DGKG: variants seen among roughly 807,000 people sequenced by gnomAD.
DGKG encodes DAG kinase gamma.
Under a neutral mutation model 105.3 loss-of-function variants are expected in DGKG, and 78 were observed. The ratio of observed to expected loss-of-function variants is 0.74; its 90% confidence interval spans 0.62 to 0.89. The LOEUF is 0.89. DGKG is among the 40% of genes least tolerant of loss of function. DGKG has a pLI of 0.00. For missense variants in DGKG, 958 were observed against 1,020.1 expected, an observed-to-expected ratio of 0.94 and a Z score of 0.83; for synonymous variants, 346 against 367.1, an observed-to-expected ratio of 0.94 and a Z score of 0.66.
intron 23 of DGKG, among the ~76,000 whole-genome samples, chr3:186,162,111 G>T (rs900353155): frequency 1.3e-5 from 2 of 152,184 alleles, no homozygotes; most frequent in Non-Finnish European, 2.9e-5. Context: ...GGTCAAGCTG[G>T]TCTCAAACTC....
At chr3:186,281,426 C>T (rs531206067) in intron 7 of DGKG, among the ~76,000 whole-genome samples, 3 of 152,220 alleles carry the variant, frequency 2.0e-5, no homozygotes, top group East Asian at 3.9e-4. Flanking sequence ...CTGAGAGCCC[C>T]GCTGAAACAC....
rs769009556 is a variant in DGKG, at chr3:186,161,663, C to T, written c.2217G>A (p.Arg739=). 6.2e-7 allele frequency: 1 copy of T among 1,614,172 alleles called. No homozygotes were observed. Among genetic ancestry groups the T allele is most frequent in the Admixed American group, 1.7e-5 (1 of 60,022 alleles). Residue 739 remains arginine (R), a splice_region_variant and synonymous_variant, in exon 24 of 25, where the codon AGG becomes AGA. Transcript: ENST00000265022. ...CTTGCATTGGCAGCAGCTTGTTTGTCCTGGAACCCAGAACACCAAGAGAAC... is the reference window on the plus strand; with the variant it reads ...CTTGCATTGGCAGCAGCTTGTTTGTTCTGGAACCCAGAACACCAAGAGAAC... The part of the protein sequence containing the change: ...RLAQCASVTI[R]TNKLLPMQVD...
chr3:186,341,718 T>A (rs1726096849), intron 1 of DGKG, among the ~76,000 whole-genome samples: 1 of 152,194 alleles, frequency 6.6e-6, no homozygotes, highest in Non-Finnish European at 1.5e-5. Context: ...CATGCACACG[T>A]ATGTTTACTG....
chr3:186,300,518 T>A (rs1207300940), intron 3 of DGKG, among the ~76,000 whole-genome samples: 1 of 152,240 alleles, frequency 6.6e-6, no homozygotes, highest in Non-Finnish European at 1.5e-5. Context: ...TCTGTTTTGG[T>A]TCTCTTCATT....
intron 1 of DGKG, among the ~76,000 whole-genome samples, chr3:186,326,331 G>A (rs1404324801): frequency 6.6e-6 from 1 of 151,776 alleles, no homozygotes; most frequent in African/African-American, 2.4e-5. Context: ...GGTGGGGGTT[G>A]GATGTTGCAG....
intron 12 of DGKG, among the ~76,000 whole-genome samples, chr3:186,268,003 G>A (rs1168802254): frequency 6.6e-6 from 1 of 152,104 alleles, no homozygotes; most frequent in Non-Finnish European, 1.5e-5. Context: ...AGCCGCTCAT[G>A]GCTACTGAAG....
Position 186,306,987 on chromosome 3 carries a change from C to T in DGKG, c.68-10G>A, listed in dbSNP as rs375648962. Reference sequence around the variant, plus strand: ...ATCTTCTTGGAGGAATCTGAAGAGACACAATTCACATGTGAAACACTGGCA... The same window carrying T: ...ATCTTCTTGGAGGAATCTGAAGAGATACAATTCACATGTGAAACACTGGCA... On this transcript the variant is annotated splice_polypyrimidine_tract_variant and intron_variant, in intron 2 of 24. Coordinates refer to ENST00000265022, the MANE Select transcript of DGKG (RefSeq NM_001346.3). The T allele has an allele frequency of 2.3e-5, 37 of 1,590,912 alleles. No individual in the cohort carries two copies. The highest frequency in any genetic ancestry group is 2.8e-5 in the Non-Finnish European group (32 of 1,159,352).
intron 20 of DGKG, among the ~76,000 whole-genome samples, chr3:186,221,883 G>T (rs774404037): frequency 4.6e-5 from 7 of 152,224 alleles, no homozygotes; most frequent in Non-Finnish European, 1.0e-4. Flanking sequence ...GGTGGGTCCT[G>T]AGGGAGCCAG....
At chr3:186,348,512 T>C (rs899027317) in intron 1 of DGKG, among the ~76,000 whole-genome samples, 17 of 149,734 alleles carry the variant, frequency 1.1e-4, no homozygotes, top group African/African-American at 4.0e-4. Context: ...AGTGCAGTGC[T>C]GTGATCACGG....
At chr3:186,295,814 G>A (rs9870928) in intron 5 of DGKG, among the ~76,000 whole-genome samples, 43,709 of 151,840 alleles carry the variant, frequency 0.29, 6,548 homozygotes, top group East Asian at 0.39. Flanking sequence ...ACCATACTGA[G>A]TTAAGAATAG....
chr3:186,161,380 A>C (rs1225471030), intron 24 of DGKG: 1 of 1,393,030 alleles, frequency 7.2e-7, no homozygotes, highest in Non-Finnish European at 9.3e-7. Flanking sequence ...TGTCTCATTC[A>C]ATTTTGTGAC....
At position 186,257,725 on chromosome 3, in the gene DGKG, G is replaced by A. The variant is rs890147193; in HGVS notation, c.1510+129C>T. 23 of 600,212 alleles carry A rather than the reference G, an allele frequency of 3.8e-5. No homozygotes were observed. In the East Asian group the frequency reaches 6.1e-4, roughly 16 times the overall value. The allele number at this position is 600,212 out of a possible 1,614,324, so 37.2% of individuals were successfully genotyped here. A position where few individuals can be genotyped will look rare whatever the true frequency, so the allele number is the denominator to read the frequency against. ...ACCCAAAGCAAATATTTAGTCAAGT[G>A]TTGGTCCAGGGGAAGATACAAGGAT... is the stretch of plus-strand genomic sequence containing the variant. On this transcript the variant is annotated intron_variant, in intron 17 of 24. Transcript: ENST00000265022.
At chr3:186,207,342 A>T in intron 21 of DGKG, 1 of 595,352 alleles carries the variant, frequency 1.7e-6, no homozygotes, top group Non-Finnish European at 2.1e-6. Flanking sequence ...TACTGCCCCG[A>T]AACTCTCGGG....
At chr3:186,197,180 T>C (rs1442630379) in intron 21 of DGKG, among the ~76,000 whole-genome samples, 1 of 151,956 alleles carries the variant, frequency 6.6e-6, no homozygotes. Context: ...ATGGAAGTAG[T>C]AAATGCTGGG....
intron 20 of DGKG, among the ~76,000 whole-genome samples, chr3:186,241,439 G>A (rs1211078634): frequency 1.3e-5 from 2 of 152,106 alleles, no homozygotes; most frequent in Non-Finnish European, 2.9e-5. Context: ...TGTAGTCCCA[G>A]CTACTCAGGA....
At chr3:186,278,119 C>T (rs1560130092) in intron 9 of DGKG, among the ~76,000 whole-genome samples, 2 of 152,084 alleles carry the variant, frequency 1.3e-5, no homozygotes, top group African/African-American at 2.4e-5. Context: ...TAGATGGGCT[C>T]TCCTTCCTCC....
intron 1 of DGKG, among the ~76,000 whole-genome samples, chr3:186,349,435 C>T (rs1726519584): frequency 6.6e-6 from 1 of 152,212 alleles, no homozygotes; most frequent in Admixed American, 6.5e-5. Flanking sequence ...CAAAGTTTCA[C>T]AATCTCAGAT....
At chr3:186,332,327 T>C (rs911702333) in intron 1 of DGKG, among the ~76,000 whole-genome samples, 13 of 152,218 alleles carry the variant, frequency 8.5e-5, no homozygotes, top group African/African-American at 2.9e-4. Flanking sequence ...GCCACCTCTG[T>C]GAATCCTGGG....
Position 186,327,390 on chromosome 3 carries a change from C to CT in DGKG, c.-248-6684dup, listed in dbSNP as rs36076414. 5.1e-3 allele frequency among the ~76,000 whole-genome samples: 697 copies of CT among 135,966 alleles called. 1 individual carries two copies. Among genetic ancestry groups the CT allele is most frequent in the East Asian group, 0.022 (104 of 4,772 alleles). 89.2% of individuals were successfully genotyped at this position (135,966 alleles called of 152,430 possible). Reference sequence around the variant, plus strand: ...CCTCCTCCTTATTCTTTTTCTTCTTCTTTTTTTTTTTTTTGAGGCGTGGTT... The same window carrying CT: ...CCTCCTCCTTATTCTTTTTCTTCTTCTTTTTTTTTTTTTTTGAGGCGTGGTT... On this transcript the variant is annotated intron_variant, in intron 1 of 24. Transcript: ENST00000265022.
Sources: gnomAD v4.1 joint callset for allele counts (sites outside exome capture counted in the v4.1 genomes callset) on GRCh38, gnomAD v4.1.1 for gene constraint, MANE v1.5 for transcripts, NCBI Gene and HGNC (gene_info 2026-07-23, HGNC 2026-07-21) for gene names.